LDB2: variants seen among roughly 807,000 people sequenced by gnomAD.
LDB2 encodes LIM domain binding 2.
In LDB2, 12 loss-of-function variants were observed where a neutral mutation model predicts 44.3. The ratio of observed to expected loss-of-function variants is 0.27; its 90% CI spans 0.17 to 0.44. The LOEUF (loss-of-function observed/expected upper bound fraction) is 0.44, where lower values mean the gene tolerates loss of function less well. Among genes scored for constraint, LDB2 ranks in the 20% least tolerant of loss-of-function variants. The pLI, the probability that LDB2 is intolerant of heterozygous loss-of-function variation, is 1.00. For synonymous variants in LDB2, 164 were observed against 174.8 expected (o/e 0.94, Z 0.49); for missense variants, 344 against 473.5 (o/e 0.73, Z 2.54).
intron 5 of LDB2, among the ~76,000 whole-genome samples, chr4:16,581,967 G>A (rs7677411): frequency 7.9e-6 from 1 of 126,760 alleles, no homozygotes. Context: ...ATAAAAGAAA[G>A]AAGGAAGGAA....
At chr4:16,559,686 G>A (rs1741304266) in intron 5 of LDB2, among the ~76,000 whole-genome samples, 1 of 152,008 alleles carries the variant, frequency 6.6e-6, no homozygotes, top group South Asian at 2.1e-4. Context: ...GGATACCCAG[G>A]AATTGAACTC....
intron 1 of LDB2, among the ~76,000 whole-genome samples, chr4:16,795,126 C>T (rs964909521): frequency 1.3e-5 from 2 of 152,162 alleles, no homozygotes; most frequent in Non-Finnish European, 2.9e-5. Flanking sequence ...TCCCGGAGCA[C>T]ATAACCTTTA....
At chr4:16,792,202 A>G (rs1775908462) in intron 1 of LDB2, among the ~76,000 whole-genome samples, 4 of 152,200 alleles carry the variant, frequency 2.6e-5, no homozygotes. Flanking sequence ...CTTACTGTGT[A>G]ATAGGAATAT....
At chr4:16,770,097 T>A (rs1430052808) in intron 1 of LDB2, among the ~76,000 whole-genome samples, 4 of 152,212 alleles carry the variant, frequency 2.6e-5, no homozygotes, top group Non-Finnish European at 4.4e-5. Context: ...AATGCCTCAG[T>A]GTGTATGTGC....
intron 2 of LDB2, among the ~76,000 whole-genome samples, chr4:16,689,459 T>C (rs565714033): frequency 1.3e-5 from 2 of 152,366 alleles, no homozygotes; most frequent in South Asian, 4.1e-4. Context: ...TCCAATACAG[T>C]TATGCATATT....
intron 2 of LDB2, among the ~76,000 whole-genome samples, chr4:16,672,914 T>A: frequency 6.6e-6 from 1 of 151,238 alleles, no homozygotes; most frequent in Non-Finnish European, 1.5e-5. Flanking sequence ...CTCCTTATCT[T>A]TTTTCTCTTC....
chr4:16,815,087 G>A (rs1314402512), intron 1 of LDB2, among the ~76,000 whole-genome samples: 1 of 152,194 alleles, frequency 6.6e-6, no homozygotes, highest in Non-Finnish European at 1.5e-5. Context: ...CAAAGCAGGA[G>A]AGCATGAACT....
intron 2 of LDB2, among the ~76,000 whole-genome samples, chr4:16,659,671 G>GTGTGTGTATATATATATATATATATA (rs1315288524): frequency 2.4e-3 from 314 of 133,374 alleles, no homozygotes; most frequent in South Asian, 6.2e-3. Flanking sequence ...ATCTATGTGT[G>GTGTGTGTATATATATATATATATATA]TATATATATA....
At chr4:16,685,859 G>T (rs1749111573) in intron 2 of LDB2, among the ~76,000 whole-genome samples, 2 of 152,032 alleles carry the variant, frequency 1.3e-5, no homozygotes, top group Non-Finnish European at 2.9e-5. Context: ...AACCAGCCTA[G>T]CCAACACAGC....
intron 2 of LDB2, among the ~76,000 whole-genome samples, chr4:16,746,832 A>T (rs911912395): frequency 1.3e-5 from 2 of 152,064 alleles, no homozygotes; most frequent in Admixed American, 6.6e-5. Flanking sequence ...AGGAAGTGAA[A>T]TGTAATCATA....
intron 2 of LDB2, among the ~76,000 whole-genome samples, chr4:16,737,565 C>T (rs746021854): frequency 7.2e-5 from 11 of 152,058 alleles, no homozygotes; most frequent in Middle Eastern, 3.4e-3. Flanking sequence ...ACAGGAAGTA[C>T]GTTAATTAGA....
At position 16,665,100 on chromosome 4, in the gene LDB2, A is replaced by AG. The variant is rs746905178; in HGVS notation, c.236-69226dup. On this transcript the variant is annotated intron_variant, in intron 2 of 7. Coordinates refer to ENST00000304523, the MANE Select transcript of LDB2 (RefSeq NM_001290.5). ...GAGTGAAACAGCAGCTGTATGGGAG[A>AG]GGGGGAAAAGAAGGTGAGCAGAAAA... Among the ~76,000 whole-genome samples the AG allele has an allele frequency of 3.3e-5, 5 of 152,038 alleles. No homozygotes were observed. The East Asian group carries it at 7.7e-4, about 23-fold the overall frequency.
At chr4:16,525,384 T>G (rs901355133) in intron 5 of LDB2, among the ~76,000 whole-genome samples, 2 of 152,236 alleles carry the variant, frequency 1.3e-5, no homozygotes, top group African/African-American at 2.4e-5. Context: ...AAGGAAAGAT[T>G]TCTCAATAAT....
chr4:16,640,930 CATTAA>C (rs1734953716), intron 2 of LDB2, among the ~76,000 whole-genome samples: 1 of 152,124 alleles, frequency 6.6e-6, no homozygotes, highest in Non-Finnish European at 1.5e-5. Context: ...ATTTTGTTTT[CATTAA>C]ATTGAGTCAA....
At chr4:16,647,059 T>C (rs10001904) in intron 2 of LDB2, among the ~76,000 whole-genome samples, 58,373 of 152,020 alleles carry the variant, frequency 0.38, 13,441 homozygotes, top group Middle Eastern at 0.62. Flanking sequence ...AAACAACCCA[T>C]GTATTCATCA....
intron 1 of LDB2, among the ~76,000 whole-genome samples, chr4:16,783,458 C>T (rs182685495): frequency 2.3e-3 from 351 of 152,354 alleles, no homozygotes; most frequent in Admixed American, 7.3e-3. Flanking sequence ...GAATGGCCAC[C>T]CACGGAGGTT....
At chr4:16,874,962 GA>G (rs749115360) in intron 1 of LDB2, among the ~76,000 whole-genome samples, 3 of 152,040 alleles carry the variant, frequency 2.0e-5, no homozygotes, top group Non-Finnish European at 4.4e-5. Flanking sequence ...TATTTGAAAA[GA>G]AAAGGGGACC....
chr4:16,816,184 G>A (rs1007705290), intron 1 of LDB2, among the ~76,000 whole-genome samples: 6 of 152,044 alleles, frequency 3.9e-5, no homozygotes, highest in African/African-American at 1.4e-4. Context: ...CAGCCTGGGT[G>A]ACAGAGCAAG....
intron 2 of LDB2, among the ~76,000 whole-genome samples, chr4:16,736,478 C>T (rs1048686897): frequency 7.9e-5 from 12 of 152,140 alleles, no homozygotes; most frequent in Admixed American, 2.0e-4. Flanking sequence ...ATTTCGGGAG[C>T]ACTTTGAATT....
Sources: allele counts gnomAD v4.1 joint callset (sites outside exome capture counted in the v4.1 genomes callset), GRCh38; gene constraint gnomAD v4.1.1; transcripts MANE v1.5; gene names NCBI Gene and HGNC (gene_info 2026-07-23, HGNC 2026-07-21).